Variants in CDH12 observed in about 807,000 individuals in gnomAD.
CDH12 encodes the protein cadherin-12.
Under a neutral mutation model 74.1 loss-of-function variants are expected in CDH12, and 41 were observed. The ratio of observed to expected loss-of-function variants is 0.55; its 90% CI spans 0.43 to 0.72. CDH12 has a LOEUF of 0.72. Ranked by LOEUF, CDH12 falls within the 30% of genes least tolerant of loss-of-function variation. The pLI, the probability that CDH12 is intolerant of heterozygous loss-of-function variation, is 0.00. For synonymous variants in CDH12, 399 were observed against 355.0 expected (o/e 1.12, Z -1.39); for missense variants, 945 against 977.2 (o/e 0.97, Z 0.44).
intron 6 of CDH12, among the ~76,000 whole-genome samples, chr5:21,947,947 T>G (rs1389050468): frequency 6.6e-6 from 1 of 152,204 alleles, no homozygotes; most frequent in Non-Finnish European, 1.5e-5. Flanking sequence ...GCTCACCTGT[T>G]GATTCAGAGG....
intron 1 of CDH12, among the ~76,000 whole-genome samples, chr5:22,729,495 C>G (rs930535830): frequency 6.6e-6 from 1 of 151,864 alleles, no homozygotes; most frequent in African/African-American, 2.4e-5. Context: ...GTCCCTGTGA[C>G]TGTAACAAAT....
At chr5:22,272,260 T>C (rs915633041) in intron 3 of CDH12, among the ~76,000 whole-genome samples, 1 of 152,236 alleles carries the variant, frequency 6.6e-6, no homozygotes, top group Admixed American at 6.5e-5. Context: ...AACCAACCTC[T>C]GTTAGATTCC....
chr5:22,364,979 T>A (rs1740968916), intron 3 of CDH12, among the ~76,000 whole-genome samples: 1 of 152,158 alleles, frequency 6.6e-6, no homozygotes, highest in South Asian at 2.1e-4. Context: ...TCTCCCTAAA[T>A]ACACACATAA....
At chr5:22,707,248 A>G (rs920596563) in intron 1 of CDH12, among the ~76,000 whole-genome samples, 2 of 152,238 alleles carry the variant, frequency 1.3e-5, no homozygotes, top group East Asian at 1.9e-4. Flanking sequence ...AATTGTTAAT[A>G]TCCTTTAACT....
At chr5:22,528,333 A>T (rs1477550081) in intron 1 of CDH12, among the ~76,000 whole-genome samples, 2 of 152,100 alleles carry the variant, frequency 1.3e-5, no homozygotes, top group African/African-American at 4.8e-5. Flanking sequence ...AAGAAAACTC[A>T]TGAGAATTTG....
At chr5:22,176,422 G>A (rs1047450153) in intron 4 of CDH12, among the ~76,000 whole-genome samples, 4 of 151,788 alleles carry the variant, frequency 2.6e-5, no homozygotes, top group African/African-American at 4.8e-5. Context: ...AGATGATCAC[G>A]TTTGTTATAT....
At position 22,031,157 on chromosome 5, in the gene CDH12, ACT is replaced by A. The variant is rs933676568; in HGVS notation, c.231+47287_231+47288del. On this transcript the variant is annotated intron_variant, in intron 5 of 14. Coordinates refer to ENST00000382254, the MANE Select transcript of CDH12 (RefSeq NM_004061.5). ...AGACCAGCCTGGCCAACATGGTGAA[ACT>A]CTGTCTCTACTAAAAATAGAAAAAA... Among the ~76,000 whole-genome samples, 185 of 152,044 alleles carry A rather than the reference ACT, an allele frequency of 1.2e-3. 1 individual carries two copies. The highest frequency in any genetic ancestry group is 4.2e-3 in the African/African-American group (173 of 41,468).
intron 1 of CDH12, among the ~76,000 whole-genome samples, chr5:22,589,670 G>A (rs754901093): frequency 6.6e-6 from 1 of 152,042 alleles, no homozygotes; most frequent in African/African-American, 2.4e-5. Flanking sequence ...TCCCACTCAC[G>A]TGATTCTCCT....
intron 2 of CDH12, among the ~76,000 whole-genome samples, chr5:22,445,783 T>C (rs1448099952): frequency 1.3e-5 from 2 of 152,090 alleles, no homozygotes; most frequent in Non-Finnish European, 2.9e-5. Context: ...TTGAAGCTTG[T>C]CCTTTCTCTA....
intron 3 of CDH12, among the ~76,000 whole-genome samples, chr5:22,221,759 T>A (rs1474493366): frequency 6.6e-6 from 1 of 151,920 alleles, no homozygotes; most frequent in Non-Finnish European, 1.5e-5. Flanking sequence ...TTATTTATTA[T>A]AAAGCTTTAA....
intron 1 of CDH12, among the ~76,000 whole-genome samples, chr5:22,687,694 C>T (rs1003118626): frequency 3.9e-5 from 6 of 152,124 alleles, no homozygotes; most frequent in Non-Finnish European, 8.8e-5. Flanking sequence ...GGATTACAGG[C>T]GTGAGCCACT....
At chr5:22,700,956 G>C (rs374339071) in intron 1 of CDH12, among the ~76,000 whole-genome samples, 21 of 152,162 alleles carry the variant, frequency 1.4e-4, no homozygotes, top group African/African-American at 3.9e-4. Flanking sequence ...GAGAAATATA[G>C]CTGGGATTTC....
intron 2 of CDH12, among the ~76,000 whole-genome samples, chr5:22,483,760 A>ATG: frequency 1.0e-5 from 1 of 100,348 alleles, no homozygotes; most frequent in Non-Finnish European, 2.0e-5. Flanking sequence ...ATATATATAT[A>ATG]TATAAATTTA....
At chr5:22,077,835 G>T (rs1369184558) in intron 5 of CDH12, among the ~76,000 whole-genome samples, 1 of 151,876 alleles carries the variant, frequency 6.6e-6, no homozygotes, top group Non-Finnish European at 1.5e-5. Context: ...GTACATATTT[G>T]GGTTCCAAAA....
chr5:22,618,457 C>T (rs1429311282), intron 1 of CDH12, among the ~76,000 whole-genome samples: 2 of 152,106 alleles, frequency 1.3e-5, no homozygotes, highest in African/African-American at 4.8e-5. Context: ...AAAGAAGCTT[C>T]TGTCAATACC....
In CDH12 at chr5:21,979,897, C is replaced by T. The variant is rs1393217375; in HGVS notation, c.232-4512G>A. Among the ~76,000 whole-genome samples the T allele has an allele frequency of 7.9e-5, 12 of 151,784 alleles. No homozygotes were observed. The East Asian group carries it at 2.3e-3, about 30-fold the overall frequency. On this transcript the variant is annotated intron_variant, in intron 5 of 14. Transcript: ENST00000382254. ...ACAATGGTTGAACTAGTTTACAGTC[C>T]CACCAACAGTGTAAAAGTGTTCCTA...
chr5:22,605,664 C>T lies in CDH12; in HGVS notation c.-522-100300G>A, dbSNP rs976130381. Among the ~76,000 whole-genome samples the T allele has an allele frequency of 3.3e-5, 5 of 152,342 alleles. No individual in the cohort carries two copies. In the East Asian group the frequency reaches 7.7e-4, roughly 24 times the overall value. On this transcript the variant is annotated intron_variant, in intron 1 of 14. Coordinates refer to ENST00000382254, the MANE Select transcript of CDH12 (RefSeq NM_004061.5). Reference sequence around the variant, plus strand: ...CCAGCTGGGCACATGGAGGGCACACCGACAGCTTGTCCCTTATTCCCCACA... The same window carrying T: ...CCAGCTGGGCACATGGAGGGCACACTGACAGCTTGTCCCTTATTCCCCACA...
intron 5 of CDH12, among the ~76,000 whole-genome samples, chr5:22,014,666 T>C (rs1164981177): frequency 6.6e-6 from 1 of 152,098 alleles, no homozygotes; most frequent in African/African-American, 2.4e-5. Context: ...AACAGAAGCA[T>C]AGATAACAAA....
intron 4 of CDH12, among the ~76,000 whole-genome samples, chr5:22,151,055 C>T (rs577565475): frequency 1.9e-4 from 29 of 152,250 alleles, no homozygotes; most frequent in African/African-American, 3.1e-4. Context: ...AGGTGTTTTA[C>T]GCACTTTTTG....
Sources: allele counts gnomAD v4.1 joint callset (sites outside exome capture counted in the v4.1 genomes callset), GRCh38; gene constraint gnomAD v4.1.1; transcripts MANE v1.5; gene names NCBI Gene and HGNC (gene_info 2026-07-23, HGNC 2026-07-21).